VAT1L: variants seen among roughly 807,000 people sequenced by gnomAD.
VAT1L encodes vesicle amine transport 1 like, also known as putative NADPH-dependent quinone oxidoreductase VAT1L.
A neutral mutation model predicts 44.1 loss-of-function variants in VAT1L; 34 were observed. The ratio of observed to expected loss-of-function variants is 0.77; its 90% confidence interval spans 0.59 to 1.03. The LOEUF is 1.03. Ranked by LOEUF, VAT1L falls within the 50% of genes least tolerant of loss-of-function variation. VAT1L has a pLI of 0.00. For missense variants in VAT1L, 615 were observed against 538.8 expected (o/e 1.14, Z -1.40); for synonymous variants, 253 against 202.2 (o/e 1.25, Z -2.13).
chr16:77,819,614 C>T lies in VAT1L; in HGVS notation c.363+2564C>T, dbSNP rs943199605. On this transcript the variant is annotated intron_variant, in intron 2 of 8. Coordinates refer to ENST00000302536, the MANE Select transcript of VAT1L (RefSeq NM_020927.3). ...GCCAGGCTGGTCTCGAACTCCTGAC[C>T]TCAGGTGATCCACCCGCCTCAACCT... 8.2e-4 allele frequency among the ~76,000 whole-genome samples: 125 copies of T among 152,260 alleles called. 1 individual carries two copies. Among genetic ancestry groups the T allele is most frequent in the African/African-American group, 3.0e-3 (123 of 41,570 alleles).
intron 1 of VAT1L, among the ~76,000 whole-genome samples, chr16:77,806,020 G>T (rs1226810358): frequency 6.6e-6 from 1 of 151,158 alleles, no homozygotes; most frequent in Non-Finnish European, 1.5e-5. Context: ...CTGCCACCAT[G>T]CCCAGCAAAT....
At chr16:77,937,273 T>G (rs193181002) in intron 7 of VAT1L, among the ~76,000 whole-genome samples, 198 of 152,150 alleles carry the variant, frequency 1.3e-3, no homozygotes, top group African/African-American at 2.8e-3. Flanking sequence ...CGCAAATCAG[T>G]TGAAAATGAA....
intron 4 of VAT1L, among the ~76,000 whole-genome samples, chr16:77,872,535 C>T (rs1169989312): frequency 1.3e-5 from 2 of 152,108 alleles, no homozygotes; most frequent in Non-Finnish European, 1.5e-5. Flanking sequence ...ACCAAGAGTC[C>T]GTGTGGTCCA....
intron 3 of VAT1L, among the ~76,000 whole-genome samples, chr16:77,847,031 T>C (rs1259873984): frequency 6.6e-6 from 1 of 152,204 alleles, no homozygotes; most frequent in Admixed American, 6.5e-5. Context: ...AATGTGTTGC[T>C]TTCATAATAA....
chr16:77,825,895 C>T (rs1284415764), intron 3 of VAT1L, among the ~76,000 whole-genome samples: 5 of 149,264 alleles, frequency 3.3e-5, no homozygotes, highest in Non-Finnish European at 7.4e-5. Context: ...TAGTGGCAGG[C>T]GCCTGTAGTC....
intron 3 of VAT1L, among the ~76,000 whole-genome samples, chr16:77,853,846 T>TA (rs35327713): frequency 1.3e-5 from 2 of 151,088 alleles, no homozygotes; most frequent in Middle Eastern, 3.4e-3. Context: ...TTTTGGGGAT[T>TA]AAAAAAAAAT....
At chr16:77,838,120 T>C (rs930636233) in intron 3 of VAT1L, among the ~76,000 whole-genome samples, 1 of 152,198 alleles carries the variant, frequency 6.6e-6, no homozygotes, top group East Asian at 1.9e-4. Flanking sequence ...ATGAAATAAT[T>C]AGACTTTAGG....
At chr16:77,818,779 C>T (rs1299851860) in intron 2 of VAT1L, among the ~76,000 whole-genome samples, 1 of 152,182 alleles carries the variant, frequency 6.6e-6, no homozygotes, top group Non-Finnish European at 1.5e-5. Context: ...AAAAATAAGT[C>T]ACTTACTCGT....
chr16:77,911,342 A>C (rs550991383), intron 7 of VAT1L, among the ~76,000 whole-genome samples: 1 of 152,288 alleles, frequency 6.6e-6, no homozygotes, highest in East Asian at 1.9e-4. Flanking sequence ...TTCCCCTACT[A>C]TCAGCCCTGG....
At chr16:77,908,156 G>A (rs547721423) in intron 7 of VAT1L, among the ~76,000 whole-genome samples, 34 of 151,828 alleles carry the variant, frequency 2.2e-4, no homozygotes, top group African/African-American at 5.6e-4. Context: ...GGAGAATGGC[G>A]TGAACCCGGG....
chr16:77,837,416 A>C (rs1008304725), intron 3 of VAT1L, among the ~76,000 whole-genome samples: 1 of 152,160 alleles, frequency 6.6e-6, no homozygotes, highest in African/African-American at 2.4e-5. Context: ...GCATCTATGA[A>C]ATTAAACCTC....
rs1022849630 is a variant in VAT1L, at chr16:77,979,728, G to C, written c.*2033G>C. 1.3e-5 allele frequency: 2 copies of C among 152,610 alleles called. No homozygotes were observed. Among genetic ancestry groups the C allele is most frequent in the African/African-American group, 4.8e-5 (2 of 41,450 alleles). The allele number at this position is 152,610 out of a possible 1,614,324, so 9.5% of individuals were successfully genotyped here. On this transcript the variant is annotated 3_prime_UTR_variant, in exon 9 of 9. Transcript: ENST00000302536. ...GGTTTGGTTTTATTTAACTAGCAAA[G>C]TTAATCCAGTAATCGCAAATTACTC...
chr16:77,848,699 G>C (rs1376270175), intron 3 of VAT1L, among the ~76,000 whole-genome samples: 1 of 152,194 alleles, frequency 6.6e-6, no homozygotes, highest in Middle Eastern at 3.2e-3. Flanking sequence ...TACTTCCGCA[G>C]ATGGTCTGCC....
At chr16:77,967,163 T>C (rs985925117) in intron 7 of VAT1L, among the ~76,000 whole-genome samples, 3 of 152,066 alleles carry the variant, frequency 2.0e-5, no homozygotes, top group Non-Finnish European at 2.9e-5. Context: ...GTTTGGGGTG[T>C]TGACAACAGA....
chr16:77,947,472 C>T (rs2017983312), intron 7 of VAT1L, among the ~76,000 whole-genome samples: 1 of 152,204 alleles, frequency 6.6e-6, no homozygotes, highest in African/African-American at 2.4e-5. Flanking sequence ...TCCCAGTTGT[C>T]ATTGGTCTCC....
intron 7 of VAT1L, among the ~76,000 whole-genome samples, chr16:77,946,839 C>A (rs1445981564): frequency 6.6e-6 from 1 of 152,146 alleles, no homozygotes; most frequent in Non-Finnish European, 1.5e-5. Context: ...TGGGATCAGT[C>A]CCATTTGAGA....
Position 77,966,932 on chromosome 16 carries a change from TAAAAAAAAA to T in VAT1L, c.1078-4899_1078-4891del, listed in dbSNP as rs55896887. On this transcript the variant is annotated intron_variant, in intron 7 of 8. Coordinates refer to ENST00000302536, the MANE Select transcript of VAT1L (RefSeq NM_020927.3). The stretch of plus-strand genomic sequence containing the variant: ...AAGGGTTTTAAGCAGTAGAGTACTT[TAAAAAAAAA>T]AAAAAAAAAAAAAAAAAAGCACCTC... Among the ~76,000 whole-genome samples the T allele has an allele frequency of 3.1e-3, 332 of 106,574 alleles. 2 individuals are homozygous for T. The highest frequency in any genetic ancestry group is 6.4e-3 in the African/African-American group (168 of 26,322). The allele number at this position is 106,574 out of a possible 152,430, so 69.9% of individuals were successfully genotyped here.
intron 7 of VAT1L, among the ~76,000 whole-genome samples, chr16:77,894,903 T>A (rs1292487019): frequency 6.6e-6 from 1 of 152,036 alleles, no homozygotes; most frequent in African/African-American, 2.4e-5. Flanking sequence ...CTTATTAATA[T>A]CCTAGCTGTG....
rs956121289 is a variant in VAT1L, at chr16:77,863,765, G to C, written c.722+875G>C. 2.0e-5 allele frequency among the ~76,000 whole-genome samples: 3 copies of C among 152,102 alleles called. No homozygotes were observed. The South Asian group carries it at 6.2e-4, about 32-fold the overall frequency. On this transcript the variant is annotated intron_variant, in intron 4 of 8. Coordinates refer to ENST00000302536, the MANE Select transcript of VAT1L (RefSeq NM_020927.3). ...TATAGGTGTTGGCAAAGGGACACCTGGGGGGAAAGGGAAGAAGGGGCATGA... is the reference window on the plus strand; with the variant it reads ...TATAGGTGTTGGCAAAGGGACACCTCGGGGGAAAGGGAAGAAGGGGCATGA...
Sources: gnomAD v4.1 joint callset for allele counts (sites outside exome capture counted in the v4.1 genomes callset) on GRCh38, gnomAD v4.1.1 for gene constraint, MANE v1.5 for transcripts, NCBI Gene and HGNC (gene_info 2026-07-23, HGNC 2026-07-21) for gene names.